M6PR: variants seen among roughly 807,000 people sequenced by gnomAD.
M6PR encodes cation-dependent mannose-6-phosphate receptor.
M6PR carries 19 observed loss-of-function variants against 33.1 expected under a neutral mutation model. The observed-to-expected ratio is 0.57, with a 90% CI of 0.40 to 0.84. The LOEUF is 0.84. Among genes scored for constraint, M6PR ranks in the 40% least tolerant of loss-of-function variants. M6PR has a pLI of 0.00. For missense variants in M6PR, 295 were observed against 336.0 expected (o/e 0.88, Z 0.95); for synonymous variants, 111 against 123.4 (o/e 0.90, Z 0.67).
rs111952625 is a variant in M6PR, at chr12:8,946,214, G to T, written c.176+15C>A. The T allele has an allele frequency of 1.8e-5, 29 of 1,608,086 alleles. No individual in the cohort carries two copies. The African/African-American group carries it at 2.3e-4, about 13-fold the overall frequency. On this transcript the variant is annotated intron_variant, in intron 2 of 6. Transcript: ENST00000000412. ...TAAATATTTTCTCAAGCTCTTTAAG[G>T]TTCTTCTCATTTACCTTTTATTAAA... is the stretch of plus-strand genomic sequence containing the variant.
At position 8,942,207 on chromosome 12, in the gene M6PR, T is replaced by A. The variant is rs749058221; in HGVS notation, c.711+209A>T. ...GCCCATCTGGTCAACAGTGTTGCTC[T>A]TTCAGCAATGTCTTACCAAGGCCAG... On this transcript the variant is annotated intron_variant, in intron 6 of 6. Coordinates refer to ENST00000000412, the MANE Select transcript of M6PR (RefSeq NM_002355.4). 11 of 701,800 alleles carry A rather than the reference T, an allele frequency of 1.6e-5. 1 individual carries two copies. The South Asian group carries it at 1.9e-4, about 12-fold the overall frequency. 43.5% of individuals were successfully genotyped at this position (701,800 alleles called of 1,614,324 possible).
Position 8,945,380 on chromosome 12 carries a change from A to G in M6PR, c.343+38T>C, listed in dbSNP as rs1212180330. ...TTGTCAGAGGGATTGACTTGGGATC[A>G]GTTAGTCAATCGATGGTAGGAAGGG... On this transcript the variant is annotated intron_variant, in intron 3 of 6. Coordinates refer to ENST00000000412, the MANE Select transcript of M6PR (RefSeq NM_002355.4). 3.1e-6 allele frequency: 5 copies of G among 1,602,980 alleles called. 1 individual carries two copies. In the Admixed American group the frequency reaches 6.7e-5, roughly 21 times the overall value.
In M6PR at chr12:8,943,423, C is replaced by T. The variant is rs1946053138; in HGVS notation, c.566G>A (p.Gly189Asp). Residue 189 changes from glycine to aspartate, a missense_variant, in exon 5 of 7, where the codon GGT becomes GAT. By Grantham distance (94) the Gly-to-Asp change is moderately conservative. Transcript: ENST00000000412. ...TACTCACGTGACAAGTAAGATGGAA[C>T]CCACACTGAGGTGGGAGATCTCTGG... ...CSPEISHLSV[G>D]SILLVTFASL... 3 of 1,614,034 alleles carry T rather than the reference C, an allele frequency of 1.9e-6. No homozygotes were observed. The highest frequency in any genetic ancestry group is 1.3e-5 in the African/African-American group (1 of 74,928).
intron 3 of M6PR, among the ~76,000 whole-genome samples, chr12:8,944,371 T>C (rs1287948870): frequency 1.3e-5 from 2 of 152,224 alleles, no homozygotes; most frequent in Non-Finnish European, 1.5e-5. Flanking sequence ...TCAGTTCTTT[T>C]GCAAAATATC....
chr12:8,941,992 T>A (rs771203266), intron 6 of M6PR, 52 bp from the exon 7 acceptor site: 12 of 1,598,932 alleles, frequency 7.5e-6, no homozygotes, highest in Admixed American at 1.7e-5. Flanking sequence ...AACTTTAGGA[T>A]ATGAGAAAGT....
intron 1 of M6PR, among the ~76,000 whole-genome samples, chr12:8,947,833 TG>T (rs200250192): frequency 7.9e-6 from 1 of 126,388 alleles, no homozygotes; most frequent in African/African-American, 2.9e-5. Context: ...GCCAAAACTG[TG>T]GGTTTTTTTT....
At chr12:8,944,489 G>T (rs1325321796) in intron 3 of M6PR, among the ~76,000 whole-genome samples, 1 of 152,154 alleles carries the variant, frequency 6.6e-6, no homozygotes, top group Non-Finnish European at 1.5e-5. Context: ...ACAGGATTAG[G>T]AAACAGGAGG....
intron 1 of M6PR, chr12:8,946,609 T>C: frequency 2.0e-6 from 1 of 499,494 alleles, no homozygotes. Flanking sequence ...ATGTAACTTG[T>C]AGTCTAATGT....
At chr12:8,946,484 A>G (rs941657437) in intron 1 of M6PR, 79 bp from the exon 2 acceptor site, 4 of 1,091,978 alleles carry the variant, frequency 3.7e-6, no homozygotes, top group East Asian at 2.4e-5. Context: ...TGAATGTGTA[A>G]TAAATCGATG....
At position 8,945,405 on chromosome 12, in the gene M6PR, G is replaced by A. The variant is rs1374785984; in HGVS notation, c.343+13C>T. ...AGTTAGTCAATCGATGGTAGGAAGG[G>A]GAGTTTTCTTACTTCCGTTGAAGAT... On this transcript the variant is annotated intron_variant, in intron 3 of 6. Coordinates refer to ENST00000000412, the MANE Select transcript of M6PR (RefSeq NM_002355.4). The A allele has an allele frequency of 6.2e-7, 1 of 1,613,586 alleles. No individual in the cohort carries two copies. The highest frequency in any genetic ancestry group is 1.1e-5 in the South Asian group (1 of 91,038).
In M6PR at chr12:8,941,745, A is replaced by C; in HGVS notation, c.*73T>G. 6.3e-7 allele frequency: 1 copy of C among 1,588,704 alleles called. No individual in the cohort carries two copies. The highest frequency in any genetic ancestry group is 8.6e-7 in the Non-Finnish European group (1 of 1,158,214). ...GGTGAGATGAGGGACTGGAGTTGAG[A>C]CTGCTTGAGAAATCTGGCTGTGTAG... is the stretch of plus-strand genomic sequence containing the variant. On this transcript the variant is annotated 3_prime_UTR_variant, in exon 7 of 7. Transcript: ENST00000000412.
chr12:8,945,302 G>T, intron 3 of M6PR, 116 bp downstream of exon 3: 1 of 1,076,370 alleles, frequency 9.3e-7, no homozygotes, highest in South Asian at 1.4e-5. Flanking sequence ...CAGGTGTGCC[G>T]AACCACACGT....
chr12:8,942,252 T>TA (rs1213208270), intron 6 of M6PR, 164 bp downstream of exon 6: 8 of 873,460 alleles, frequency 9.2e-6, no homozygotes, highest in Non-Finnish European at 1.4e-5. Flanking sequence ...CTGTGCCACT[T>TA]ACTACTCTGT....
chr12:8,945,680 A>C, intron 2 of M6PR, 96 bp from the exon 3 acceptor site: 7 of 928,380 alleles, frequency 7.5e-6, no homozygotes, highest in Non-Finnish European at 1.1e-5. Context: ...AAAACAAACA[A>C]CATGCTCGAT....
chr12:8,941,875 C>T lies in M6PR; in HGVS notation c.777G>A (p.Gly259=). The T allele has an allele frequency of 6.2e-7, 1 of 1,614,108 alleles. No individual in the cohort carries two copies. The change falls in exon 7 of 7, where the codon GGG becomes GGA. Residue 259 remains glycine (G), a synonymous_variant. Transcript: ENST00000000412. ...CTGACTCCTCCCCCAGCTGGTCATC[C>T]CCCACACCACGATATGCTGCAGGCA... The part of the protein sequence containing the change: ...RNVPAAYRGV[G]DDQLGEESEE...
chr12:8,945,371 C>CT (rs778131202), intron 3 of M6PR, 47 bp downstream of exon 3: 256 of 1,602,760 alleles, frequency 1.6e-4, no homozygotes, highest in Middle Eastern at 1.2e-3. Flanking sequence ...GAGGGATTGA[C>CT]TTGGGATCAG....
chr12:8,946,854 C>G (rs779493251), intron 1 of M6PR: 1 of 153,658 alleles, frequency 6.5e-6, no homozygotes, highest in South Asian at 2.0e-4. Context: ...AATTGGGGAT[C>G]ACCAAGCCAC....
intron 2 of M6PR, 49 bp from the exon 3 acceptor site, chr12:8,945,633 C>A: frequency 6.6e-7 from 1 of 1,514,754 alleles, no homozygotes; most frequent in Non-Finnish European, 9.1e-7. Flanking sequence ...TAGCTATCAG[C>A]CTCAGGAATA....
rs1294014955 is a variant in M6PR at position 8,943,878 on chromosome 12, C to A, written c.376G>T (p.Asp126Tyr). ...NWIMLIYKGG[D>Y]EYDNHCGKEQ... ...TTGCCACAGTGGTTGTCATATTCAT[C>A]ACCCCCTTTATAGATCAGCATGATC... The change falls in exon 4 of 7, where the codon GAT becomes TAT. Residue 126 changes from aspartate to tyrosine, a missense_variant. Physicochemically the swap from Asp to Tyr is radical, Grantham distance 160 (BLOSUM62 -3). Coordinates refer to ENST00000000412, the MANE Select transcript of M6PR (RefSeq NM_002355.4). The A allele has an allele frequency of 6.2e-7, 1 of 1,613,788 alleles. No homozygotes were observed. Among genetic ancestry groups the A allele is most frequent in the Admixed American group, 1.7e-5 (1 of 60,024 alleles).
Sources: allele counts gnomAD v4.1 joint callset (sites outside exome capture counted in the v4.1 genomes callset), GRCh38; gene constraint gnomAD v4.1.1; transcripts MANE v1.5; gene names NCBI Gene and HGNC (gene_info 2026-07-23, HGNC 2026-07-21).